Variants in LRRC37A2 observed in about 807,000 individuals in gnomAD.
LRRC37A2 encodes the protein leucine rich repeat containing 37 member A2, also known as leucine-rich repeat-containing protein 37A2.
Under a neutral mutation model 68.8 loss-of-function variants are expected in LRRC37A2, and 9 were observed. That is an observed-to-expected ratio of 0.13 (90% CI 0.08 to 0.23). LRRC37A2 has a LOEUF of 0.23. LRRC37A2 is among the 10% of genes least tolerant of loss of function. The pLI is 1.00. For synonymous variants in LRRC37A2, 63 were observed against 367.6 expected (o/e 0.17, Z 9.48); for missense variants, 168 against 950.4 (o/e 0.18, Z 10.82).
the LRRC37A2 span, among the ~76,000 whole-genome samples, chr17:46,490,739 AC>A: frequency 6.7e-5 from 10 of 149,938 alleles, no homozygotes; most frequent in African/African-American, 1.0e-4. Context: ...AAAAAAAAAA[AC>A]CTTTACATTT....
chr17:46,936,101 C>G, the LRRC37A2 span: 1 of 985,806 alleles, frequency 1.0e-6, no homozygotes, highest in Non-Finnish European at 1.2e-6. Context: ...TCACCTCCTG[C>G]TGACAGTTGC....
the LRRC37A2 span, chr17:46,722,191 A>G: frequency 3.7e-6 from 6 of 1,602,142 alleles, no homozygotes; most frequent in Admixed American, 1.7e-5. Flanking sequence ...GAGAACTTGC[A>G]GCGCCTGCTT....
the LRRC37A2 span, among the ~76,000 whole-genome samples, chr17:46,999,405 G>A: frequency 1.3e-5 from 2 of 152,182 alleles, no homozygotes; most frequent in Admixed American, 6.5e-5. Context: ...TACCCAGGAT[G>A]TAGTGCAATC....
chr17:46,893,475 C>T, the LRRC37A2 span, among the ~76,000 whole-genome samples: 3 of 152,108 alleles, frequency 2.0e-5, no homozygotes, highest in African/African-American at 7.2e-5. Context: ...TTTTATCTGT[C>T]TTTGCCCAGA....
At chr17:46,948,924 T>C in the LRRC37A2 span, 2 of 152,186 alleles carry the variant, frequency 1.3e-5, no homozygotes, top group African/African-American at 2.4e-5. Flanking sequence ...TAAAGTTCAT[T>C]CATCCATTCT....
chr17:46,771,828 G>A, the LRRC37A2 span, among the ~76,000 whole-genome samples: 1 of 144,450 alleles, frequency 6.9e-6, no homozygotes, highest in Non-Finnish European at 1.5e-5. Flanking sequence ...CGGCCGCGCG[G>A]TGGGGGGGCG....
chr17:46,844,449 A>G, the LRRC37A2 span, among the ~76,000 whole-genome samples: 60,343 of 151,740 alleles, frequency 0.4, 13,813 homozygotes, highest in East Asian at 0.88. Flanking sequence ...AAAACGTGCT[A>G]TGGTCCAACT....
chr17:46,893,471 C>T, the LRRC37A2 span, among the ~76,000 whole-genome samples: 1 of 152,148 alleles, frequency 6.6e-6, no homozygotes, highest in East Asian at 1.9e-4. Context: ...CCCTTTTTAT[C>T]TGTCTTTGCC....
At chr17:46,908,265 C>T in the LRRC37A2 span, among the ~76,000 whole-genome samples, 6 of 152,118 alleles carry the variant, frequency 3.9e-5, no homozygotes, top group South Asian at 2.1e-4. Flanking sequence ...CCTCATGGCC[C>T]GCAGCGGGAA....
At chr17:46,758,569 G>T in the LRRC37A2 span, among the ~76,000 whole-genome samples, 1 of 152,218 alleles carries the variant, frequency 6.6e-6, no homozygotes. Flanking sequence ...CCTCAAAAGA[G>T]GAGGTTATTT....
At chr17:46,811,122 A>AAGGGAAATG in the LRRC37A2 span, among the ~76,000 whole-genome samples, 1,603 of 145,484 alleles carry the variant, frequency 0.011, 278 homozygotes, top group Non-Finnish European at 0.016. Flanking sequence ...CAGGCTGCAA[A>AAGGGAAATG]CAGATAAATC....
the LRRC37A2 span, among the ~76,000 whole-genome samples, chr17:46,849,477 G>C: frequency 1.3e-5 from 2 of 152,304 alleles, no homozygotes; most frequent in South Asian, 2.1e-4. Flanking sequence ...GGTGGGGTCT[G>C]TCTGCCACCC....
chr17:46,900,202 T>TACATACATATATATATACACACACACAC, the LRRC37A2 span, among the ~76,000 whole-genome samples: 548 of 101,032 alleles, frequency 5.4e-3, 5 homozygotes, highest in Middle Eastern at 0.023. Context: ...TATATATATA[T>TACATACATATATATATACACACACACAC]ACACACACAC....
chr17:46,836,492 A>C, the LRRC37A2 span, among the ~76,000 whole-genome samples: 6 of 152,206 alleles, frequency 3.9e-5, no homozygotes, highest in African/African-American at 1.4e-4. Flanking sequence ...TTACACTGAT[A>C]AGAGGAAGAA....
At chr17:46,928,703 A>G in the LRRC37A2 span, among the ~76,000 whole-genome samples, 5 of 152,114 alleles carry the variant, frequency 3.3e-5, no homozygotes, top group African/African-American at 1.2e-4. Flanking sequence ...CTTCCTCTGA[A>G]TGGTTTCCTC....
At chr17:46,833,123 C>T in the LRRC37A2 span, 8 of 357,074 alleles carry the variant, frequency 2.2e-5, no homozygotes, top group African/African-American at 1.1e-4. Flanking sequence ...GTTGACAAAA[C>T]GAGCTCATGG....
chr17:46,951,753 G>A, the LRRC37A2 span, among the ~76,000 whole-genome samples: 1 of 152,058 alleles, frequency 6.6e-6, no homozygotes, highest in African/African-American at 2.4e-5. Context: ...TAATTTTCTG[G>A]GGCCCAGGTA....
At chr17:46,542,168 G>GT (rs1263887298) in intron 8 of LRRC37A2, among the ~76,000 whole-genome samples, 1 of 139,022 alleles carries the variant, frequency 7.2e-6, no homozygotes, top group Non-Finnish European at 1.5e-5. Context: ...AAGAGCAGAA[G>GT]TTTTTAATTT....
the LRRC37A2 span, among the ~76,000 whole-genome samples, chr17:47,006,141 C>CA: frequency 6.6e-6 from 1 of 151,952 alleles, no homozygotes; most frequent in Non-Finnish European, 1.5e-5. Flanking sequence ...CATTGCACTC[C>CA]AGCTCTGCAA....
Sources: gnomAD v4.1 joint callset for allele counts (sites outside exome capture counted in the v4.1 genomes callset) on GRCh38, gnomAD v4.1.1 for gene constraint, MANE v1.5 for transcripts, NCBI Gene and HGNC (gene_info 2026-07-23, HGNC 2026-07-21) for gene names.